The following RPL8 variants were observed in gnomAD, a reference collection of about 807,000 sequenced individuals.
RPL8 encodes large ribosomal subunit protein uL2.
For missense variants in RPL8, 248 were observed against 365.9 expected, an observed-to-expected ratio of 0.68 and a Z score of 2.63; for synonymous variants, 182 against 143.2, an observed-to-expected ratio of 1.27 and a Z score of -1.94.
intron 2 of RPL8, 69 bp from the exon 3 acceptor site, chr8:144,791,564 A>C (rs1372220208): frequency 6.5e-7 from 1 of 1,546,560 alleles, no homozygotes; most frequent in African/African-American, 1.4e-5. Context: ...GCTCTAGGCA[A>C]CCCGCGAAGT....
At position 144,791,855 on chromosome 8, in the gene RPL8, C is replaced by A. The variant is rs1203843725; in HGVS notation, c.198G>T (p.Pro66=). Residue 66 remains proline, a synonymous_variant, in exon 2 of 5, where the codon CCG becomes CCT. Coordinates refer to ENST00000528957, the MANE Select transcript of RPL8 (RefSeq NM_001317782.2). ...GCTCCGTCCGCTTCTTAAACCGATA[C>A]GGATCCCGGAAGACCACCTTGGCGA... ...APLAKVVFRD[P]YRFKKRTELF... 6.2e-7 allele frequency: 1 copy of A among 1,613,702 alleles called. No individual in the cohort carries two copies.
In RPL8 at chr8:144,791,994, T is replaced by G. The variant is rs527249558; in HGVS notation, c.136A>C (p.Lys46Gln). The G allele has an allele frequency of 1.2e-5, 19 of 1,608,898 alleles. No homozygotes were observed. In the African/African-American group the frequency reaches 2.1e-4, roughly 18 times the overall value. Residue 46 changes from lysine (K) to glutamine (Q), a missense_variant and splice_region_variant, in exon 1 of 5, where the codon AAG becomes CAG. Transcript: ENST00000528957. ...CCGCCCCGGCCAGCGTTCCGCACCTTGACGATGCCCTTGATGTAGCCGTGC... is the reference window on the plus strand; with the variant it reads ...CCGCCCCGGCCAGCGTTCCGCACCTGGACGATGCCCTTGATGTAGCCGTGC... ...ERHGYIKGIV[K>Q]DIIHDPGRGA...
chr8:144,791,818 C>A lies in RPL8; in HGVS notation c.235G>T (p.Ala79Ser), dbSNP rs372308540. 1 of 1,614,006 alleles carries A rather than the reference C, an allele frequency of 6.2e-7. No homozygotes were observed. Among genetic ancestry groups the A allele is most frequent in the Non-Finnish European group, 8.5e-7 (1 of 1,180,026 alleles). The change falls in exon 2 of 5, where the codon GCC (alanine) becomes TCC (serine). Residue 79 changes from alanine to serine, a missense_variant. By Grantham distance (99) the Ala-to-Ser change is moderately conservative (BLOSUM62 1). Coordinates refer to ENST00000528957, the MANE Select transcript of RPL8 (RefSeq NM_001317782.2). Reference sequence around the variant, plus strand: ...AACTGGCCCGTGTGAATGCCCTCGGCGGCAATGAACAGCTCCGTCCGCTTC... The same window carrying A: ...AACTGGCCCGTGTGAATGCCCTCGGAGGCAATGAACAGCTCCGTCCGCTTC... ...FKKRTELFIA[A>S]EGIHTGQFVY...
intron 4 of RPL8, among the ~76,000 whole-genome samples, 179 bp from the exon 5 acceptor site, chr8:144,790,141 C>G (rs1230503979): frequency 6.6e-6 from 1 of 151,240 alleles, no homozygotes; most frequent in Admixed American, 6.6e-5. Context: ...CTCCCAGCCT[C>G]CGTTTCTTGC....
chr8:144,791,719 G>A (rs776779013), intron 2 of RPL8, 54 bp downstream of exon 2: 1 of 1,609,714 alleles, frequency 6.2e-7, no homozygotes, highest in Non-Finnish European at 8.5e-7. Context: ...AACTCCTCAG[G>A]CAACACCCAG....
intron 3 of RPL8, 53 bp from the exon 4 acceptor site, chr8:144,790,523 C>A: frequency 7.4e-7 from 1 of 1,354,304 alleles, no homozygotes; most frequent in Non-Finnish European, 1.1e-6. Context: ...AGCACCCCCA[C>A]CTCCCCTCAA....
At chr8:144,791,697 G>C in intron 2 of RPL8, 76 bp downstream of exon 2, 5 of 1,600,102 alleles carry the variant, frequency 3.1e-6, no homozygotes, top group South Asian at 2.2e-5. Context: ...TCCCATATCG[G>C]CTTAGGACGT....
intron 3 of RPL8, chr8:144,790,797 C>T (rs534869071): frequency 1.7e-6 from 1 of 583,010 alleles, no homozygotes; most frequent in East Asian, 3.9e-5. Flanking sequence ...CCTGCCCCAT[C>T]TCAGCTTTAC....
rs775967814 is a variant in RPL8 at position 144,790,479 on chromosome 8, G to T, written c.500-9C>A. 3.1e-6 allele frequency: 5 copies of T among 1,589,540 alleles called. No individual in the cohort carries two copies. The highest frequency in any genetic ancestry group is 4.3e-6 in the Non-Finnish European group (5 of 1,175,540). ...ACCTCCAGCCACCACACCTGTAGGG[G>T]ATCAGATACCTCAGGGAACCCCCAG... On this transcript the variant is annotated splice_polypyrimidine_tract_variant and intron_variant, in intron 3 of 4. Coordinates refer to ENST00000528957, the MANE Select transcript of RPL8 (RefSeq NM_001317782.2).
chr8:144,790,545 G>C, intron 3 of RPL8, 75 bp from the exon 4 acceptor site: 1 of 1,130,092 alleles, frequency 8.8e-7, no homozygotes, highest in Non-Finnish European at 1.3e-6. Flanking sequence ...CTCCTGTCAT[G>C]CACCTTCCCA....
At position 144,791,431 on chromosome 8, in the gene RPL8, G is replaced by A. The variant is rs755121973; in HGVS notation, c.345C>T (p.Cys115=). The A allele has an allele frequency of 1.2e-6, 2 of 1,613,924 alleles. No individual in the cohort carries two copies. The highest frequency in any genetic ancestry group is 2.2e-5 in the South Asian group (2 of 91,082). The change falls in exon 3 of 5, where the codon TGC becomes TGT. Residue 115 remains cysteine (C), a synonymous_variant. Coordinates refer to ENST00000528957, the MANE Select transcript of RPL8 (RefSeq NM_001317782.2). Reference sequence around the variant, plus strand: ...CACGGTCTCCAGGCTTCTCCTCCAGGCAGCACACGATTGTACCCTCAGGCA... The same window carrying A: ...CACGGTCTCCAGGCTTCTCCTCCAGACAGCACACGATTGTACCCTCAGGCA... ...GTMPEGTIVC[C]LEEKPGDRGK...
Position 144,789,853 on chromosome 8 carries a change from C to T in RPL8, c.725G>A (p.Arg242Gln), listed in dbSNP as rs1450191757. ...GRKVGLIAARRTGRLRGTKTV... is the reference protein window; with the variant it reads ...GRKVGLIAARQTGRLRGTKTV... ...CTTGGTTCCCCGGAGACGTCCAGTC[C>T]GGCGGGCAGCAATGAGACCCACTTT... The change falls in exon 5 of 5, where the codon CGG becomes CAG. Residue 242 changes from arginine to glutamine, a missense_variant. Physicochemically the swap from Arg to Gln is conservative, Grantham distance 43. Transcript: ENST00000528957. 3.1e-6 allele frequency: 5 copies of T among 1,613,286 alleles called. No individual in the cohort carries two copies. Among genetic ancestry groups the T allele is most frequent in the Non-Finnish European group, 4.2e-6 (5 of 1,179,864 alleles).
At chr8:144,790,056 A>G in intron 4 of RPL8, 94 bp from the exon 5 acceptor site, 2 of 1,426,002 alleles carry the variant, frequency 1.4e-6, no homozygotes. Flanking sequence ...AATTCCGCGA[A>G]GCCCCTCTCC....
Position 144,789,778 on chromosome 8 carries a change from C to T in RPL8, c.*26G>A. 3 of 1,613,420 alleles carry T rather than the reference C, an allele frequency of 1.9e-6. No homozygotes were observed. Among genetic ancestry groups the T allele is most frequent in the Non-Finnish European group, 2.5e-6 (3 of 1,179,822 alleles). On this transcript the variant is annotated 3_prime_UTR_variant, in exon 5 of 5. Coordinates refer to ENST00000528957, the MANE Select transcript of RPL8 (RefSeq NM_001317782.2). Reference sequence around the variant, plus strand: ...GGTGGGCACAGCCAGGTGGCATAAACACAAACTTTATTGAGGCCCTCAGCA... The same window carrying T: ...GGTGGGCACAGCCAGGTGGCATAAATACAAACTTTATTGAGGCCCTCAGCA...
rs762022373 is a variant in RPL8, at chr8:144,791,809, T to G, written c.244A>C (p.Ile82Leu). Residue 82 changes from isoleucine (I) to leucine (L), a missense_variant, in exon 2 of 5, where the codon ATT becomes CTT. By Grantham distance (5) the Ile-to-Leu change is conservative. Transcript: ENST00000528957. Reference sequence around the variant, plus strand: ...CAATACACAAACTGGCCCGTGTGAATGCCCTCGGCGGCAATGAACAGCTCC... The same window carrying G: ...CAATACACAAACTGGCCCGTGTGAAGGCCCTCGGCGGCAATGAACAGCTCC... ...RTELFIAAEG[I>L]HTGQFVYCGK... 8 of 1,613,756 alleles carry G rather than the reference T, an allele frequency of 5.0e-6. No homozygotes were observed. The African/African-American group carries it at 8.0e-5, about 16-fold the overall frequency.
In RPL8 at chr8:144,792,338, A is replaced by C. The variant is rs931500967; in HGVS notation, c.-209T>G. The C allele has an allele frequency of 4.4e-5, 34 of 772,680 alleles. 1 individual carries two copies. The highest frequency in any genetic ancestry group is 3.0e-4 in the Admixed American group (7 of 23,374). 47.9% of individuals were successfully genotyped at this position (772,680 alleles called of 1,614,324 possible). On this transcript the variant is annotated 5_prime_UTR_variant, in exon 1 of 5. An upstream start codon of the reference 5' UTR is lost. Coordinates refer to ENST00000528957, the MANE Select transcript of RPL8 (RefSeq NM_001317782.2). ...AAGAGGATGGCGGCGGATACTGCCC[A>C]TGCCGCAAGGCCGCAAGGATGACCT...
rs1358686016 is a variant in RPL8 at position 144,791,972 on chromosome 8, C to A, written c.138+20G>T. 1.2e-6 allele frequency: 2 copies of A among 1,609,250 alleles called. No homozygotes were observed. The highest frequency in any genetic ancestry group is 1.3e-5 in the African/African-American group (1 of 74,806). ...CGGCCGGGCGTCCCTTCCCCTCCCG[C>A]CCCGGCCAGCGTTCCGCACCTTGAC... On this transcript the variant is annotated intron_variant, in intron 1 of 4. Coordinates refer to ENST00000528957, the MANE Select transcript of RPL8 (RefSeq NM_001317782.2).
chr8:144,791,745 G>T, intron 2 of RPL8, 28 bp downstream of exon 2: 1 of 1,510,498 alleles, frequency 6.6e-7, no homozygotes, highest in South Asian at 1.1e-5. Flanking sequence ...TCCCCACCCC[G>T]ACCTTCCTTC....
intron 4 of RPL8, among the ~76,000 whole-genome samples, 157 bp from the exon 5 acceptor site, chr8:144,790,119 C>T (rs113482163): frequency 1.8e-4 from 28 of 152,260 alleles, no homozygotes; most frequent in African/African-American, 6.3e-4. Context: ...CCAGCTCAGG[C>T]CCCCACTGCC....
Sources: gnomAD v4.1 joint callset for allele counts (sites outside exome capture counted in the v4.1 genomes callset) on GRCh38, gnomAD v4.1.1 for gene constraint, MANE v1.5 for transcripts, NCBI Gene and HGNC (gene_info 2026-07-23, HGNC 2026-07-21) for gene names.